Variants in CDK14 observed in about 807,000 individuals in gnomAD.
The protein encoded by CDK14 is cyclin-dependent kinase 14.
CDK14 carries 34 observed loss-of-function variants against 60.7 expected under a neutral mutation model. The ratio of observed to expected loss-of-function variants is 0.56; its 90% CI spans 0.43 to 0.75. The LOEUF (loss-of-function observed/expected upper bound fraction) is 0.75. Ranked by LOEUF, CDK14 falls within the 30% of genes least tolerant of loss-of-function variation. The pLI, the probability that CDK14 is intolerant of heterozygous loss-of-function variation, is 0.00. For missense variants in CDK14, 482 were observed against 564.1 expected (o/e 0.85, Z 1.47); for synonymous variants, 197 against 203.7 (o/e 0.97, Z 0.28).
intron 8 of CDK14, among the ~76,000 whole-genome samples, chr7:90,932,001 G>A (rs1402427585): frequency 1.3e-5 from 2 of 152,106 alleles, no homozygotes; most frequent in Non-Finnish European, 2.9e-5. Context: ...GGAAAAATTA[G>A]GGAAGCAACA....
chr7:91,028,921 ATAT>A (rs1156338442), intron 10 of CDK14, among the ~76,000 whole-genome samples: 4 of 152,048 alleles, frequency 2.6e-5, no homozygotes, highest in South Asian at 2.1e-4. Context: ...TTGATTATTA[ATAT>A]TATTATTGTT....
chr7:91,204,945 C>CAA (rs746772700), intron 14 of CDK14, among the ~76,000 whole-genome samples: 6 of 113,598 alleles, frequency 5.3e-5, no homozygotes, highest in African/African-American at 9.8e-5. Flanking sequence ...AAGACCCAGT[C>CAA]AAAAAAAAAA....
chr7:90,703,025 T>C (rs1464803323), intron 2 of CDK14, among the ~76,000 whole-genome samples: 2 of 151,672 alleles, frequency 1.3e-5, no homozygotes, highest in Non-Finnish European at 2.9e-5. Context: ...TTTTGTTTTT[T>C]TTTTCCTTTT....
chr7:90,830,640 A>G (rs762028068), intron 5 of CDK14, among the ~76,000 whole-genome samples: 1 of 152,082 alleles, frequency 6.6e-6, no homozygotes, highest in Non-Finnish European at 1.5e-5. Context: ...TTTCTACCAC[A>G]TGGTCAGGCT....
chr7:90,702,370 G>C (rs1435789661), intron 2 of CDK14, among the ~76,000 whole-genome samples: 1 of 152,130 alleles, frequency 6.6e-6, no homozygotes, highest in East Asian at 1.9e-4. Context: ...ATGCATGTTT[G>C]TAGTGAACCT....
intron 12 of CDK14, among the ~76,000 whole-genome samples, chr7:91,088,003 C>T (rs940309938): frequency 1.3e-5 from 2 of 152,228 alleles, no homozygotes; most frequent in Admixed American, 6.5e-5. Flanking sequence ...AGACAGGTCA[C>T]TGTTACCAAG....
chr7:90,997,252 A>G (rs1390564581), intron 10 of CDK14, among the ~76,000 whole-genome samples: 1 of 152,196 alleles, frequency 6.6e-6, no homozygotes, highest in Non-Finnish European at 1.5e-5. Context: ...GAATATAAGG[A>G]CTACTTTGTG....
intron 2 of CDK14, among the ~76,000 whole-genome samples, chr7:90,711,932 C>G (rs1000934131): frequency 3.4e-5 from 5 of 148,142 alleles, no homozygotes; most frequent in Non-Finnish European, 5.9e-5. Flanking sequence ...CTATGTTGGC[C>G]AGGTTTGTCT....
chr7:90,967,623 G>A (rs1794791800), intron 9 of CDK14, among the ~76,000 whole-genome samples: 3 of 152,120 alleles, frequency 2.0e-5, no homozygotes, highest in Admixed American at 1.3e-4. Flanking sequence ...CCATACACTG[G>A]TTGATGAGAT....
intron 5 of CDK14, among the ~76,000 whole-genome samples, chr7:90,839,096 G>T (rs1037903467): frequency 1.3e-5 from 2 of 152,162 alleles, no homozygotes; most frequent in Non-Finnish European, 2.9e-5. Context: ...TCTCAGACCG[G>T]CTGACACTTA....
chr7:90,708,206 G>A (rs1801942624), intron 2 of CDK14, among the ~76,000 whole-genome samples: 1 of 152,160 alleles, frequency 6.6e-6, no homozygotes, highest in African/African-American at 2.4e-5. Context: ...TGCAATTGGC[G>A]TGATTTATCA....
intron 2 of CDK14, among the ~76,000 whole-genome samples, chr7:90,606,570 A>G (rs1038023266): frequency 1.3e-5 from 2 of 152,200 alleles, no homozygotes; most frequent in African/African-American, 4.8e-5. Context: ...GAAGAATTAC[A>G]GCTATGAGGA....
chr7:91,081,898 T>C (rs574868314), intron 12 of CDK14, among the ~76,000 whole-genome samples: 2 of 151,588 alleles, frequency 1.3e-5, no homozygotes, highest in Admixed American at 1.3e-4. Flanking sequence ...AATAAATATA[T>C]ATTAAAAAAA....
intron 5 of CDK14, among the ~76,000 whole-genome samples, chr7:90,826,368 A>G (rs1045049141): frequency 6.6e-5 from 10 of 151,420 alleles, no homozygotes; most frequent in African/African-American, 2.4e-4. Flanking sequence ...ACTGGCGCCC[A>G]CCCCCACTCC....
intron 5 of CDK14, among the ~76,000 whole-genome samples, chr7:90,806,558 G>T (rs1319841004): frequency 2.6e-5 from 4 of 152,220 alleles, no homozygotes; most frequent in Non-Finnish European, 5.9e-5. Flanking sequence ...GAAGACAGGT[G>T]ATTTCTGCAT....
intron 8 of CDK14, among the ~76,000 whole-genome samples, chr7:90,918,104 T>G (rs895567821): frequency 6.6e-6 from 1 of 152,184 alleles, no homozygotes; most frequent in African/African-American, 2.4e-5. Flanking sequence ...TATAATGAAC[T>G]TCAATTACTC....
chr7:90,872,442 A>G (rs1435156065), intron 6 of CDK14, among the ~76,000 whole-genome samples: 1 of 152,220 alleles, frequency 6.6e-6, no homozygotes, highest in African/African-American at 2.4e-5. Context: ...ATTCTGAACC[A>G]TAAGGAGAAA....
chr7:90,704,453 ATG>A (rs1464134428), intron 2 of CDK14, among the ~76,000 whole-genome samples: 1 of 152,148 alleles, frequency 6.6e-6, no homozygotes, highest in East Asian at 1.9e-4. Flanking sequence ...TGTGGCATGT[ATG>A]TGTGTTTATT....
At chr7:90,835,288 G>A (rs1790055751) in intron 5 of CDK14, among the ~76,000 whole-genome samples, 1 of 152,092 alleles carries the variant, frequency 6.6e-6, no homozygotes, top group Non-Finnish European at 1.5e-5. Context: ...TGTTAAGCGT[G>A]GGTAAGTGTG....
Sources: gnomAD v4.1 joint callset for allele counts (sites outside exome capture counted in the v4.1 genomes callset) on GRCh38, gnomAD v4.1.1 for gene constraint, MANE v1.5 for transcripts, NCBI Gene and HGNC (gene_info 2026-07-23, HGNC 2026-07-21) for gene names.